Variants in UGGT2 observed in about 807,000 individuals in gnomAD.
UGGT2 encodes UDP-glucose:glycoprotein glucosyltransferase 2.
In UGGT2, 180 loss-of-function variants were observed where a neutral mutation model predicts 192.1. The ratio of observed to expected loss-of-function variants is 0.94; its 90% confidence interval spans 0.83 to 1.06. UGGT2 has a LOEUF of 1.06. Among genes scored for constraint, UGGT2 ranks in the 50% least tolerant of loss-of-function variants. UGGT2 has a pLI of 0.00. For synonymous variants in UGGT2, 580 were observed against 591.0 expected, an observed-to-expected ratio of 0.98 and a Z score of 0.27; for missense variants, 1,849 against 1,795.7, an observed-to-expected ratio of 1.03 and a Z score of -0.54.
intron 5 of UGGT2, among the ~76,000 whole-genome samples, chr13:96,006,796 C>T (rs552050108): frequency 6.6e-6 from 1 of 152,200 alleles, no homozygotes; most frequent in African/African-American, 2.4e-5. Context: ...GATAGTACCA[C>T]ACATGGGAAA....
intron 34 of UGGT2, among the ~76,000 whole-genome samples, chr13:95,855,353 C>T (rs996733050): frequency 4.0e-5 from 6 of 151,826 alleles, no homozygotes; most frequent in African/African-American, 1.5e-4. Flanking sequence ...TTTATATTTT[C>T]ATTTACATAT....
intron 17 of UGGT2, among the ~76,000 whole-genome samples, chr13:95,932,312 TG>T: frequency 2.9e-4 from 1 of 3,466 alleles, no homozygotes; most frequent in Non-Finnish European, 8.4e-4. Flanking sequence ...GTATTTTATT[TG>T]TGTGTGTGTG....
In UGGT2 at chr13:96,053,296, G is replaced by C. The variant is rs1400912934; in HGVS notation, c.17C>G (p.Ala6Gly). 1 of 1,578,432 alleles carries C rather than the reference G, an allele frequency of 6.3e-7. No homozygotes were observed. Among genetic ancestry groups the C allele is most frequent in the African/African-American group, 1.4e-5 (1 of 72,522 alleles). The change falls in exon 1 of 39, where the codon GCC (alanine) becomes GGC (glycine). Residue 6 changes from alanine to glycine, a missense_variant. Transcript: ENST00000376747. Reference sequence around the variant, plus strand: ...TAGTAGCAGCCGCACCACGTTCGTGGCTTTCGCTGGCGCCATGGCACGGAG... The same window carrying C: ...TAGTAGCAGCCGCACCACGTTCGTGCCTTTCGCTGGCGCCATGGCACGGAG... MAPAK[A>G]TNVVRLLLGS...
intron 11 of UGGT2, among the ~76,000 whole-genome samples, chr13:95,971,108 G>A (rs1236957448): frequency 6.6e-6 from 1 of 152,078 alleles, no homozygotes. Flanking sequence ...AGAAGGGCTG[G>A]GCCATGTATG....
Position 95,863,483 on chromosome 13 carries a change from C to T in UGGT2, c.3644+146G>A, listed in dbSNP as rs1355469713. The T allele has an allele frequency of 2.4e-5, 15 of 627,070 alleles. No homozygotes were observed. In the East Asian group the frequency reaches 4.0e-4, roughly 17 times the overall value. The allele number at this position is 627,070 out of a possible 1,614,324, so 38.8% of individuals were successfully genotyped here. On this transcript the variant is annotated intron_variant, in intron 31 of 38. Transcript: ENST00000376747. ...TATAGCTCTAGTTTCCTATCTTGTA[C>T]ACAGTAGTAACATTTATGTATTTAT... is the stretch of plus-strand genomic sequence containing the variant.
chr13:96,036,825 A>G (rs760725003), intron 1 of UGGT2, among the ~76,000 whole-genome samples: 1 of 150,102 alleles, frequency 6.7e-6, no homozygotes, highest in Non-Finnish European at 1.5e-5. Context: ...AGTGGTGCAA[A>G]CATGGCTTAC....
chr13:95,903,143 T>A, intron 20 of UGGT2, 83 bp from the exon 21 acceptor site: 1 of 1,348,070 alleles, frequency 7.4e-7, no homozygotes, highest in Non-Finnish European at 1.0e-6. Context: ...CCATCCAGTT[T>A]GTTCACTGTA....
At chr13:95,863,503 A>AT in intron 31 of UGGT2, 126 bp downstream of exon 31, 1 of 689,878 alleles carries the variant, frequency 1.4e-6, no homozygotes, top group East Asian at 2.5e-5. Flanking sequence ...ACATTTATGT[A>AT]TTTATCTTAT....
At chr13:95,949,739 T>C (rs1327201579) in intron 12 of UGGT2, among the ~76,000 whole-genome samples, 2 of 152,178 alleles carry the variant, frequency 1.3e-5, no homozygotes, top group Non-Finnish European at 2.9e-5. Context: ...TTACTCTCCA[T>C]AAACCACTTA....
chr13:95,952,623 T>A (rs1566748504), intron 12 of UGGT2, among the ~76,000 whole-genome samples: 1 of 152,206 alleles, frequency 6.6e-6, no homozygotes, highest in Non-Finnish European at 1.5e-5. Context: ...CCCTTGGATA[T>A]GGAAGGCCAA....
intron 37 of UGGT2, 122 bp downstream of exon 37, chr13:95,836,964 G>T: frequency 3.6e-6 from 3 of 827,160 alleles, no homozygotes; most frequent in Non-Finnish European, 5.8e-6. Context: ...ATGTGTAATA[G>T]ACTGAACAGC....
At chr13:95,936,185 G>A (rs532338004) in intron 17 of UGGT2, among the ~76,000 whole-genome samples, 117 of 152,272 alleles carry the variant, frequency 7.7e-4, no homozygotes, top group African/African-American at 2.6e-3. Context: ...TGGTTTTCAA[G>A]CTCTGAAATT....
chr13:95,833,252 C>T (rs950271964), intron 37 of UGGT2, among the ~76,000 whole-genome samples, 199 bp from the exon 38 acceptor site: 1 of 152,036 alleles, frequency 6.6e-6, no homozygotes, highest in Non-Finnish European at 1.5e-5. Flanking sequence ...ACAAATACCT[C>T]AATCAGAAAT....
intron 12 of UGGT2, among the ~76,000 whole-genome samples, chr13:95,950,736 A>T (rs915706108): frequency 1.3e-5 from 2 of 151,900 alleles, no homozygotes; most frequent in African/African-American, 4.8e-5. Context: ...AAAAAGAATC[A>T]AAGAGATATT....
rs1886905014 is a variant in UGGT2, at chr13:95,833,115, C to T, written c.4402-62G>A. On this transcript the variant is annotated intron_variant, in intron 37 of 38. Transcript: ENST00000376747. ...TGCTCCTGGAAACATAAGGACAATGCTGTGTCACTAGGGCAAACAAAATAC... is the reference window on the plus strand; with the variant it reads ...TGCTCCTGGAAACATAAGGACAATGTTGTGTCACTAGGGCAAACAAAATAC... 6 of 1,567,828 alleles carry T rather than the reference C, an allele frequency of 3.8e-6. No homozygotes were observed. In the Admixed American group the frequency reaches 9.1e-5, roughly 24 times the overall value.
rs967054269 is a variant in UGGT2 at position 95,890,929 on chromosome 13, A to G, written c.2891T>C (p.Phe964Ser). 5.0e-6 allele frequency: 8 copies of G among 1,612,592 alleles called. No homozygotes were observed. Among genetic ancestry groups the G allele is most frequent in the Non-Finnish European group, 6.8e-6 (8 of 1,179,300 alleles). Residue 964 changes from phenylalanine to serine, a missense_variant, in exon 25 of 39, where the codon TTC (phenylalanine) becomes TCC (serine). Coordinates refer to ENST00000376747, the MANE Select transcript of UGGT2 (RefSeq NM_020121.4). ...IKTNPQENDM[F>S]FNVIAIVDPL... is the part of the protein sequence containing the mutation. ...ATCAACAATAGCAATGACATTGAAG[A>G]ACATATCATTCTCTTGAGGATTCGT...
At chr13:95,905,249 C>T (rs1158142711) in intron 20 of UGGT2, among the ~76,000 whole-genome samples, 1 of 148,320 alleles carries the variant, frequency 6.7e-6, no homozygotes, top group Admixed American at 6.7e-5. Context: ...TGTAGGTTGC[C>T]TGTTCACTCT....
intron 14 of UGGT2, among the ~76,000 whole-genome samples, chr13:95,947,402 A>C (rs1420079683): frequency 6.6e-6 from 1 of 151,928 alleles, no homozygotes; most frequent in Non-Finnish European, 1.5e-5. Context: ...TAGTGCTAAC[A>C]TTATCAAATG....
At chr13:95,943,294 T>C (rs998644823) in intron 15 of UGGT2, among the ~76,000 whole-genome samples, 4 of 152,044 alleles carry the variant, frequency 2.6e-5, no homozygotes, top group African/African-American at 7.2e-5. Flanking sequence ...GAAAACAATA[T>C]AATTATGAAG....
Sources: gnomAD v4.1 joint callset for allele counts (sites outside exome capture counted in the v4.1 genomes callset) on GRCh38, gnomAD v4.1.1 for gene constraint, MANE v1.5 for transcripts, NCBI Gene and HGNC (gene_info 2026-07-23, HGNC 2026-07-21) for gene names.